Variants in ZNF292 observed in about 807,000 individuals in gnomAD.
ZNF292 encodes zinc finger protein 292, also known as 16 zinc-finger domain protein.
A neutral mutation model predicts 217.9 loss-of-function variants in ZNF292; 26 were observed. The ratio of observed to expected loss-of-function variants is 0.12; its 90% CI spans 0.09 to 0.17. The LOEUF (loss-of-function observed/expected upper bound fraction) is 0.17. Ranked by LOEUF, ZNF292 falls within the 10% of genes least tolerant of loss-of-function variation. The probability of loss-of-function intolerance (pLI) is 1.00; values close to 1 mark genes in which losing one functional copy is unlikely to be tolerated. For synonymous variants in ZNF292, 1,257 were observed against 1,124.1 expected (o/e 1.12, Z -2.37); for missense variants, 2,904 against 3,175.2 (o/e 0.91, Z 2.05).
intron 1 of ZNF292, among the ~76,000 whole-genome samples, chr6:87,163,458 A>T (rs1770818921): frequency 6.6e-6 from 1 of 152,082 alleles, no homozygotes; most frequent in Admixed American, 6.5e-5. Flanking sequence ...CTCAAAAAAA[A>T]AAAACCCCAA....
rs771274988 is a variant in ZNF292 at position 87,155,635 on chromosome 6, A to G, written c.44A>G (p.Glu15Gly). 1.9e-6 allele frequency: 3 copies of G among 1,582,996 alleles called. No homozygotes were observed. In the South Asian group the frequency reaches 3.5e-5, roughly 18 times the overall value. ...GAGCAGGAGAGGTTGAGTTGCGGCG[A>G]AGGCGGCTGCGTCGCGGAGCTGCAG... ...EAEQERLSCG[E>G]GGCVAELQRL... is the part of the protein sequence containing the mutation. The change falls in exon 1 of 8, where the codon GAA becomes GGA. Residue 15 changes from glutamate to glycine, a missense_variant. By Grantham distance (98) the Glu-to-Gly change is moderately conservative. Transcript: ENST00000369577.
At chr6:87,214,695 G>A (rs1772653668) in intron 1 of ZNF292, among the ~76,000 whole-genome samples, 1 of 152,026 alleles carries the variant, frequency 6.6e-6, no homozygotes, top group Non-Finnish European at 1.5e-5. Context: ...CACTTCTTAG[G>A]GGGAAAGGAA....
chr6:87,260,788 C>G lies in ZNF292; in HGVS notation c.7159C>G (p.Pro2387Ala). ...TACAAGCAGATTTGTAACCCAGTAT[C>G]CATGTATGATAAAGGGATGTACTTC... ...ECTSRFVTQYPCMIKGCTSVV... is the reference protein window; with the variant it reads ...ECTSRFVTQYACMIKGCTSVV... The change falls in exon 8 of 8, where the codon CCA (proline) becomes GCA (alanine). Residue 2387 changes from proline (P) to alanine (A), a missense_variant. Physicochemically the swap from Pro to Ala is conservative, Grantham distance 27. Around this residue, in one of 15 missense-constraint regions of ZNF292, gnomAD observed 27 missense variants for 52.3 expected, o/e 0.52. Transcript: ENST00000369577. 1.9e-6 allele frequency: 3 copies of G among 1,613,140 alleles called. No individual in the cohort carries two copies. The highest frequency in any genetic ancestry group is 2.5e-6 in the Non-Finnish European group (3 of 1,179,542).
intron 4 of ZNF292, among the ~76,000 whole-genome samples, chr6:87,222,489 T>A (rs181150330): frequency 2.0e-5 from 3 of 151,946 alleles, no homozygotes; most frequent in Non-Finnish European, 2.9e-5. Context: ...TGACAAATGT[T>A]TGGCTAAAGT....
Position 87,199,492 on chromosome 6 carries a change from ATGAAT to A in ZNF292, c.169-16406_169-16402del, listed in dbSNP as rs199594221. 8.6e-3 allele frequency among the ~76,000 whole-genome samples: 1,310 copies of A among 152,126 alleles called. 21 individuals are homozygous for A. The highest frequency in any genetic ancestry group is 0.026 in the African/African-American group (1,067 of 41,506). ...TGAAGTGCAGAAATTTTTTATTTTG[ATGAAT>A]TGAAGTCCAATTTATGAACTTTATA... On this transcript the variant is annotated intron_variant, in intron 1 of 7. Coordinates refer to ENST00000369577, the MANE Select transcript of ZNF292 (RefSeq NM_015021.3).
chr6:87,162,252 A>G (rs1429937977), intron 1 of ZNF292, among the ~76,000 whole-genome samples: 1 of 152,216 alleles, frequency 6.6e-6, no homozygotes, highest in Admixed American at 6.5e-5. Flanking sequence ...ACCAAATTAA[A>G]ACTGTTAGAG....
intron 1 of ZNF292, among the ~76,000 whole-genome samples, chr6:87,184,176 G>A (rs140174930): frequency 1.1e-3 from 162 of 152,328 alleles, no homozygotes; most frequent in Middle Eastern, 3.4e-3. Context: ...ATGTGAAGAT[G>A]AAAGATAGCA....
At chr6:87,163,370 GA>G (rs1562117581) in intron 1 of ZNF292, among the ~76,000 whole-genome samples, 1 of 151,744 alleles carries the variant, frequency 6.6e-6, no homozygotes, top group African/African-American at 2.4e-5. Flanking sequence ...AGAATGGTGT[GA>G]ACCCAGGAGG....
chr6:87,225,266 T>C (rs1369334482), intron 4 of ZNF292, among the ~76,000 whole-genome samples: 2 of 152,198 alleles, frequency 1.3e-5, no homozygotes, highest in Non-Finnish European at 2.9e-5. Context: ...ACAAGTTCTT[T>C]TTCAGATATG....
chr6:87,235,597 C>G (rs544651803), intron 5 of ZNF292, among the ~76,000 whole-genome samples: 2 of 152,162 alleles, frequency 1.3e-5, no homozygotes, highest in East Asian at 3.9e-4. Context: ...ATTTCTAGCT[C>G]TCTGAATAAT....
At chr6:87,159,492 T>C (rs1250290009) in intron 1 of ZNF292, among the ~76,000 whole-genome samples, 2 of 146,344 alleles carry the variant, frequency 1.4e-5, no homozygotes, top group Non-Finnish European at 3.0e-5. Context: ...CTTTCTTTTC[T>C]TTCTTTTTTT....
chr6:87,160,144 AG>A (rs1770684179), intron 1 of ZNF292, among the ~76,000 whole-genome samples: 2 of 152,240 alleles, frequency 1.3e-5, no homozygotes, highest in South Asian at 2.1e-4. Flanking sequence ...CTCTGGAGGA[AG>A]GTAGACAGAT....
intron 5 of ZNF292, among the ~76,000 whole-genome samples, chr6:87,242,745 G>A (rs1476980948): frequency 1.3e-5 from 2 of 151,986 alleles, no homozygotes; most frequent in Admixed American, 6.6e-5. Flanking sequence ...AAGTCTGTTC[G>A]TTTTATATAG....
intron 1 of ZNF292, among the ~76,000 whole-genome samples, chr6:87,205,825 A>T (rs1370250573): frequency 6.6e-6 from 1 of 151,956 alleles, no homozygotes; most frequent in Non-Finnish European, 1.5e-5. Flanking sequence ...TCTCAGTTTT[A>T]TTACTTTTAC....
chr6:87,160,589 TTGTG>T (rs1472365752), intron 1 of ZNF292, among the ~76,000 whole-genome samples: 1 of 151,412 alleles, frequency 6.6e-6, no homozygotes, highest in Non-Finnish European at 1.5e-5. Flanking sequence ...AAAAATATGT[TTGTG>T]TGTATATATA....
intron 1 of ZNF292, among the ~76,000 whole-genome samples, chr6:87,158,482 C>T (rs535785791): frequency 3.3e-5 from 5 of 151,944 alleles, no homozygotes; most frequent in African/African-American, 1.2e-4. Flanking sequence ...TGGCGTGGCC[C>T]CTTCTCTACA....
At chr6:87,221,868 T>C (rs1185259435) in intron 4 of ZNF292, among the ~76,000 whole-genome samples, 1 of 152,154 alleles carries the variant, frequency 6.6e-6, no homozygotes, top group Non-Finnish European at 1.5e-5. Flanking sequence ...AGGTATCTTC[T>C]TTCTCTTCAT....
intron 1 of ZNF292, among the ~76,000 whole-genome samples, chr6:87,212,610 A>G (rs770716992): frequency 1.3e-5 from 2 of 152,244 alleles, no homozygotes; most frequent in Non-Finnish European, 1.5e-5. Context: ...CCATACTTGT[A>G]TGCCTGCCAG....
chr6:87,180,688 A>ACT (rs770249470), intron 1 of ZNF292, among the ~76,000 whole-genome samples: 2 of 151,272 alleles, frequency 1.3e-5, no homozygotes, highest in Non-Finnish European at 2.9e-5. Context: ...CCCAGCAACC[A>ACT]CAGGGAGAAC....
Sources: gnomAD v4.1 joint callset for allele counts (sites outside exome capture counted in the v4.1 genomes callset) on GRCh38, gnomAD v4.1.1 for gene constraint, gnomAD v4.1.1 regional missense constraint, MANE v1.5 for transcripts, NCBI Gene and HGNC (gene_info 2026-07-23, HGNC 2026-07-21) for gene names.